ZBTB8A: variants seen among roughly 807,000 people sequenced by gnomAD.
ZBTB8A encodes the protein zinc finger and BTB domain containing 8A.
In ZBTB8A, 19 loss-of-function variants were observed where a neutral mutation model predicts 37.8. That is an observed-to-expected ratio of 0.50 (90% CI 0.35 to 0.74). The LOEUF is 0.74. Among genes scored for constraint, ZBTB8A ranks in the 30% least tolerant of loss-of-function variants. The pLI, the probability that ZBTB8A is intolerant of heterozygous loss-of-function variation, is 0.01. For missense variants in ZBTB8A, 394 were observed against 537.8 expected (o/e 0.73, Z 2.65); for synonymous variants, 181 against 185.2 (o/e 0.98, Z 0.19).
At chr1:32,574,629 TATAAC>T (rs1029761014) in intron 2 of ZBTB8A, among the ~76,000 whole-genome samples, 36 of 152,240 alleles carry the variant, frequency 2.4e-4, no homozygotes, top group African/African-American at 8.4e-4. Context: ...TTTAAAAAAT[TATAAC>T]ATGTTTTATG....
At chr1:32,589,607 T>G (rs1302643707) in intron 2 of ZBTB8A, among the ~76,000 whole-genome samples, 1 of 151,770 alleles carries the variant, frequency 6.6e-6, no homozygotes, top group Non-Finnish European at 1.5e-5. Flanking sequence ...TGGAGTGCAG[T>G]GGCGCAATCT....
chr1:32,575,226 C>CTTTTTTT, intron 2 of ZBTB8A, among the ~76,000 whole-genome samples: 1 of 101,020 alleles, frequency 9.9e-6, no homozygotes, highest in Non-Finnish European at 2.0e-5. Flanking sequence ...CTTTTCTTTC[C>CTTTTTTT]TTTTTTTTTT....
intron 2 of ZBTB8A, among the ~76,000 whole-genome samples, chr1:32,556,016 C>G (rs1039245002): frequency 1.1e-4 from 16 of 151,778 alleles, no homozygotes; most frequent in Non-Finnish European, 2.4e-4. Context: ...TCAAGTGACG[C>G]TCCCACCTCA....
At chr1:32,568,632 C>T (rs1429004915) in intron 2 of ZBTB8A, among the ~76,000 whole-genome samples, 7 of 152,002 alleles carry the variant, frequency 4.6e-5, no homozygotes, top group Admixed American at 3.3e-4. Context: ...GTGATCCGCC[C>T]GCCTCGGCCT....
Position 32,604,917 on chromosome 1 carries a change from G to C in ZBTB8A, c.*4498G>C, listed in dbSNP as rs981804406. Reference sequence around the variant, plus strand: ...TGTAATCCTAGCACTTTGGGAGGCCGAGGCGGGCGGATCACTTAAGGCCAG... The same window carrying C: ...TGTAATCCTAGCACTTTGGGAGGCCCAGGCGGGCGGATCACTTAAGGCCAG... On this transcript the variant is annotated 3_prime_UTR_variant, in exon 5 of 5. Coordinates refer to ENST00000373510, the MANE Select transcript of ZBTB8A (RefSeq NM_001040441.3). The C allele has an allele frequency of 6.6e-6, 1 of 151,642 alleles. No individual in the cohort carries two copies. Among genetic ancestry groups the C allele is most frequent in the Non-Finnish European group, 1.5e-5 (1 of 67,886 alleles). The allele number at this position is 151,642 out of a possible 1,614,324, so 9.4% of individuals were successfully genotyped here.
chr1:32,551,173 C>G (rs187808645), intron 1 of ZBTB8A, among the ~76,000 whole-genome samples: 95 of 152,264 alleles, frequency 6.2e-4, no homozygotes, highest in Non-Finnish European at 1.2e-3. Flanking sequence ...GGGCCAGGCA[C>G]AGTGGCTCAT....
chr1:32,541,598 T>C (rs750375100), intron 1 of ZBTB8A, among the ~76,000 whole-genome samples: 50 of 152,238 alleles, frequency 3.3e-4, no homozygotes, highest in Non-Finnish European at 6.0e-4. Context: ...ACAAATTTAT[T>C]TCTCACACTT....
intron 2 of ZBTB8A, among the ~76,000 whole-genome samples, chr1:32,571,599 A>G (rs1342772874): frequency 1.3e-5 from 2 of 151,296 alleles, no homozygotes; most frequent in Non-Finnish European, 1.5e-5. Context: ...TTTTGAGACA[A>G]CGTCTTGCTC....
intron 2 of ZBTB8A, 121 bp downstream of exon 2, chr1:32,553,661 CAGAT>C (rs1644175305): frequency 6.9e-6 from 1 of 145,292 alleles, no homozygotes; most frequent in Admixed American, 6.9e-5. Context: ...TCAAGGCAGA[CAGAT>C]CACCTGAGGT....
chr1:32,554,471 T>C (rs1384637928), intron 2 of ZBTB8A, among the ~76,000 whole-genome samples: 1 of 131,368 alleles, frequency 7.6e-6, no homozygotes, highest in Non-Finnish European at 1.6e-5. Context: ...TTTATTTATT[T>C]ATTTATTTAT....
intron 1 of ZBTB8A, among the ~76,000 whole-genome samples, chr1:32,543,074 AT>A (rs949235178): frequency 4.7e-5 from 7 of 148,802 alleles, no homozygotes; most frequent in South Asian, 2.1e-4. Flanking sequence ...GACAATTCCT[AT>A]TTTTTTTTTA....
chr1:32,598,080 G>C (rs1276653994), intron 4 of ZBTB8A, among the ~76,000 whole-genome samples: 1 of 151,636 alleles, frequency 6.6e-6, no homozygotes, highest in African/African-American at 2.4e-5. Context: ...ACTATCTCAG[G>C]AGAAATCAGA....
intron 2 of ZBTB8A, among the ~76,000 whole-genome samples, chr1:32,556,005 C>T (rs1051988303): frequency 6.6e-6 from 1 of 151,632 alleles, no homozygotes; most frequent in Non-Finnish European, 1.5e-5. Flanking sequence ...ACCTCCTGGG[C>T]TCAAGTGACG....
intron 2 of ZBTB8A, among the ~76,000 whole-genome samples, chr1:32,586,290 G>A (rs1296505031): frequency 6.6e-6 from 1 of 152,174 alleles, no homozygotes; most frequent in East Asian, 1.9e-4. Flanking sequence ...TTGCATTCCA[G>A]CCTGGGCAGC....
chr1:32,558,987 A>G (rs1322174821), intron 2 of ZBTB8A, among the ~76,000 whole-genome samples: 1 of 152,182 alleles, frequency 6.6e-6, no homozygotes. Context: ...AGGTTAGGAA[A>G]TGGATGTGTA....
At chr1:32,546,517 T>G (rs948557429) in intron 1 of ZBTB8A, among the ~76,000 whole-genome samples, 1 of 152,022 alleles carries the variant, frequency 6.6e-6, no homozygotes, top group Non-Finnish European at 1.5e-5. Context: ...GGTGGTACAC[T>G]GTTATAGTCC....
rs185007346 is a variant in ZBTB8A at position 32,574,598 on chromosome 1, A to C, written c.-1-18333A>C. Among the ~76,000 whole-genome samples, 323 of 152,308 alleles carry C rather than the reference A, an allele frequency of 2.1e-3. 2 individuals carry two copies. The highest frequency in any genetic ancestry group is 7.4e-3 in the African/African-American group (306 of 41,570). On this transcript the variant is annotated intron_variant, in intron 2 of 4. Coordinates refer to ENST00000373510, the MANE Select transcript of ZBTB8A (RefSeq NM_001040441.3). ...AAAGACAGAGCAAGACCCTGTCTCT[A>C]AAATTAAAAAATAAAAATTTTTTAA...
chr1:32,541,273 C>T (rs887516584), intron 1 of ZBTB8A, among the ~76,000 whole-genome samples: 2 of 152,178 alleles, frequency 1.3e-5, no homozygotes, highest in Admixed American at 6.5e-5. Context: ...AGCACCTGGT[C>T]TCACCATGTC....
At chr1:32,594,315 A>G (rs1644512819) in intron 3 of ZBTB8A, among the ~76,000 whole-genome samples, 1 of 152,226 alleles carries the variant, frequency 6.6e-6, no homozygotes, top group Admixed American at 6.5e-5. Context: ...GTCAAAACCC[A>G]TGATTTTCCA....
Sources: allele counts gnomAD v4.1 joint callset (sites outside exome capture counted in the v4.1 genomes callset), GRCh38; gene constraint gnomAD v4.1.1; transcripts MANE v1.5; gene names NCBI Gene and HGNC (gene_info 2026-07-23, HGNC 2026-07-21).